Variants in RASGRF1 observed in about 807,000 individuals in gnomAD.
The protein encoded by RASGRF1 is Ras protein specific guanine nucleotide releasing factor 1.
Under a neutral mutation model 138.7 loss-of-function variants are expected in RASGRF1, and 40 were observed. The ratio of observed to expected loss-of-function variants is 0.29; its 90% CI spans 0.22 to 0.38. The LOEUF (loss-of-function observed/expected upper bound fraction) is 0.38, where lower values mean the gene tolerates loss of function less well. Ranked by LOEUF, RASGRF1 falls within the 10% of genes least tolerant of loss-of-function variation. The probability of loss-of-function intolerance (pLI) is 1.00; values close to 1 mark genes in which losing one functional copy is unlikely to be tolerated. For missense variants in RASGRF1, 1,108 were observed against 1,650.4 expected (o/e 0.67, Z 5.69); for synonymous variants, 614 against 663.2 (o/e 0.93, Z 1.14).
intron 1 of RASGRF1, 131 bp from the exon 2 acceptor site, chr15:79,064,657 T>C: frequency 1.2e-6 from 1 of 831,614 alleles, no homozygotes; most frequent in Non-Finnish European, 2.0e-6. Flanking sequence ...TTGTTTGTGA[T>C]AATCAGAATG....
At chr15:79,083,216 G>A (rs1196921045) in intron 1 of RASGRF1, among the ~76,000 whole-genome samples, 3 of 152,222 alleles carry the variant, frequency 2.0e-5, no homozygotes, top group Non-Finnish European at 4.4e-5. Flanking sequence ...GTGAGGGGCT[G>A]TACTCTCCTC....
chr15:79,000,308 G>A (rs2056493998), intron 16 of RASGRF1, among the ~76,000 whole-genome samples: 1 of 152,176 alleles, frequency 6.6e-6, no homozygotes, highest in South Asian at 2.1e-4. Context: ...CCTGTCCAAT[G>A]TCTGACATCC....
intron 5 of RASGRF1, among the ~76,000 whole-genome samples, chr15:79,036,144 GC>G (rs2057219266): frequency 6.6e-6 from 1 of 152,204 alleles, no homozygotes; most frequent in Admixed American, 6.5e-5. Flanking sequence ...GGCGGCTTCT[GC>G]TGCTTCCTGA....
At chr15:79,086,584 C>G (rs563409021) in intron 1 of RASGRF1, among the ~76,000 whole-genome samples, 79 of 151,894 alleles carry the variant, frequency 5.2e-4, no homozygotes, top group African/African-American at 1.6e-3. Flanking sequence ...GACCCCCCCC[C>G]CCCAGCTTCT....
At chr15:78,988,314 A>G (rs575788449) in intron 22 of RASGRF1, among the ~76,000 whole-genome samples, 4 of 152,102 alleles carry the variant, frequency 2.6e-5, no homozygotes, top group African/African-American at 9.6e-5. Flanking sequence ...CACTTGCTCG[A>G]CTCCTGGGCA....
chr15:79,044,536 T>C (rs2057334395), intron 5 of RASGRF1, among the ~76,000 whole-genome samples: 1 of 152,218 alleles, frequency 6.6e-6, no homozygotes, highest in Non-Finnish European at 1.5e-5. Context: ...TCCTTGCCTT[T>C]GGTGGGGCTG....
intron 24 of RASGRF1, among the ~76,000 whole-genome samples, chr15:78,974,223 T>C (rs893402385): frequency 6.6e-6 from 1 of 152,212 alleles, no homozygotes; most frequent in African/African-American, 2.4e-5. Context: ...GCGGTCGTTA[T>C]GTGCCGGCAG....
At chr15:78,979,172 G>A (rs2055958844) in intron 24 of RASGRF1, 1 of 1,287,914 alleles carries the variant, frequency 7.8e-7, no homozygotes, top group Non-Finnish European at 1.0e-6. Context: ...GCAGAAGAGA[G>A]ACGGCTGGAC....
intron 1 of RASGRF1, chr15:79,064,757 C>A (rs1164543043): frequency 3.9e-6 from 2 of 518,268 alleles, no homozygotes; most frequent in South Asian, 2.5e-5. Flanking sequence ...AAGAAGGAAA[C>A]AAAACACACA....
chr15:79,063,355 A>C (rs1474139203), intron 2 of RASGRF1, among the ~76,000 whole-genome samples: 1 of 152,202 alleles, frequency 6.6e-6, no homozygotes, highest in African/African-American at 2.4e-5. Context: ...CTATAGTCAT[A>C]ATAAGGGCTT....
intron 17 of RASGRF1, among the ~76,000 whole-genome samples, chr15:78,999,027 A>G (rs952240951): frequency 3.3e-5 from 5 of 152,204 alleles, no homozygotes; most frequent in African/African-American, 1.2e-4. Context: ...CGGTCCATGC[A>G]TGCCCAGCCT....
intron 2 of RASGRF1, among the ~76,000 whole-genome samples, 156 bp from the exon 3 acceptor site, chr15:79,058,637 T>C (rs1245585760): frequency 1.3e-5 from 2 of 151,834 alleles, no homozygotes; most frequent in African/African-American, 4.8e-5. Context: ...CTTGGCAGGG[T>C]AGAGGTGGGG....
At chr15:79,017,704 C>A in intron 12 of RASGRF1, 66 bp downstream of exon 12, 1 of 1,512,938 alleles carries the variant, frequency 6.6e-7, no homozygotes. Flanking sequence ...CTGCCACCAG[C>A]CAAATCCCTG....
rs113794786 is a variant in RASGRF1 at position 79,081,403 on chromosome 15, T to C, written c.276+8820A>G. Among the ~76,000 whole-genome samples, 1,303 of 152,304 alleles carry C rather than the reference T, an allele frequency of 8.6e-3. 27 individuals carry two copies. The highest frequency in any genetic ancestry group is 0.029 in the African/African-American group (1,218 of 41,554). On this transcript the variant is annotated intron_variant, in intron 1 of 26. Coordinates refer to ENST00000558480, the MANE Select transcript of RASGRF1 (RefSeq NM_001145648.3). The stretch of plus-strand genomic sequence containing the variant: ...TCTTAATTGGCTTCCTGCCTCCAGA[T>C]GGGTTTTCTCCTGTTCATTCACACT...
At chr15:79,035,236 T>C in intron 5 of RASGRF1, 26 bp from the exon 6 acceptor site, 1 of 1,587,538 alleles carries the variant, frequency 6.3e-7, no homozygotes, top group Non-Finnish European at 8.6e-7. Flanking sequence ...CAGGGTCAGC[T>C]CTGCCCCAGG....
In RASGRF1 at chr15:79,070,452, G is replaced by A. The variant is rs1258790348; in HGVS notation, c.277-5926C>T. On this transcript the variant is annotated intron_variant, in intron 1 of 26. Coordinates refer to ENST00000558480, the MANE Select transcript of RASGRF1 (RefSeq NM_001145648.3). ...TGATTTCCTTTTGAGATAAAGAAGT[G>A]GCCTTAATAATTGGAGGAGGACTAA... Among the ~76,000 whole-genome samples, 4 of 152,162 alleles carry A rather than the reference G, an allele frequency of 2.6e-5. No homozygotes were observed. The East Asian group carries it at 7.7e-4, about 29-fold the overall frequency.
chr15:79,064,812 A>T, intron 1 of RASGRF1: 1 of 436,220 alleles, frequency 2.3e-6, no homozygotes, highest in Non-Finnish European at 4.1e-6. Flanking sequence ...GTTTGAAATC[A>T]TCAGGCGCGC....
intron 20 of RASGRF1, among the ~76,000 whole-genome samples, chr15:78,992,931 G>T (rs948143808): frequency 6.6e-6 from 1 of 152,180 alleles, no homozygotes; most frequent in Non-Finnish European, 1.5e-5. Context: ...GGTTCCTGAC[G>T]TCAGGGATCT....
intron 26 of RASGRF1, among the ~76,000 whole-genome samples, chr15:78,968,145 G>A (rs1034756421): frequency 6.6e-6 from 1 of 151,268 alleles, no homozygotes; most frequent in African/African-American, 2.4e-5. Context: ...TTGAACTCCT[G>A]AACTCAAGTA....
Sources: allele counts gnomAD v4.1 joint callset (sites outside exome capture counted in the v4.1 genomes callset), GRCh38; gene constraint gnomAD v4.1.1; transcripts MANE v1.5; gene names NCBI Gene and HGNC (gene_info 2026-07-23, HGNC 2026-07-21).